The following NFASC variants were observed in gnomAD, a reference collection of about 807,000 sequenced individuals.
NFASC encodes the protein neurofascin homolog.
A neutral mutation model predicts 147.5 loss-of-function variants in NFASC; 43 were observed. That is an observed-to-expected ratio of 0.29 (90% CI 0.23 to 0.38). The LOEUF (loss-of-function observed/expected upper bound fraction) is 0.38. NFASC is among the 10% of genes least tolerant of loss of function. The probability of loss-of-function intolerance (pLI) is 1.00; values close to 1 mark genes in which losing one functional copy is unlikely to be tolerated. For synonymous variants in NFASC, 622 were observed against 665.5 expected (o/e 0.93, Z 1.01); for missense variants, 1,320 against 1,689.0 (o/e 0.78, Z 3.83).
At chr1:204,970,900 A>G (rs967164980) in intron 11 of NFASC, among the ~76,000 whole-genome samples, 153 bp downstream of exon 11, 1 of 152,240 alleles carries the variant, frequency 6.6e-6, no homozygotes, top group South Asian at 2.1e-4. Flanking sequence ...CTCTTCAGAC[A>G]TCTCAAGAGG....
chr1:204,856,158 C>T (rs11240296), intron 1 of NFASC, among the ~76,000 whole-genome samples: 29,366 of 151,808 alleles, frequency 0.19, 4,446 homozygotes, highest in East Asian at 0.52. Context: ...TCTTTGCCCT[C>T]GAGAGCTTGC....
At chr1:204,956,907 GA>G (rs35185826) in intron 7 of NFASC, among the ~76,000 whole-genome samples, 8 of 146,226 alleles carry the variant, frequency 5.5e-5, no homozygotes, top group Non-Finnish European at 9.1e-5. Flanking sequence ...TATAGCACTT[GA>G]AAAAAAAAAG....
chr1:204,950,627 A>C, intron 4 of NFASC, 53 bp downstream of exon 4: 1 of 1,564,754 alleles, frequency 6.4e-7, no homozygotes, highest in Non-Finnish European at 8.8e-7. Context: ...GGGAGGAATG[A>C]GGCATGAGGT....
At chr1:204,880,896 G>T (rs1402666925) in intron 1 of NFASC, among the ~76,000 whole-genome samples, 1 of 152,232 alleles carries the variant, frequency 6.6e-6, no homozygotes, top group Non-Finnish European at 1.5e-5. Flanking sequence ...ACTGAGACAG[G>T]AGACAGATGA....
At chr1:204,976,466 C>T (rs931409998) in intron 15 of NFASC, among the ~76,000 whole-genome samples, 4 of 152,228 alleles carry the variant, frequency 2.6e-5, no homozygotes, top group African/African-American at 9.6e-5. Flanking sequence ...CGCCCACTCT[C>T]TGTTCCCCTC....
chr1:204,840,052 A>G lies in NFASC; in HGVS notation c.-200+11270A>G, dbSNP rs772062169. Among the ~76,000 whole-genome samples, 13 of 152,288 alleles carry G rather than the reference A, an allele frequency of 8.5e-5. No individual in the cohort carries two copies. The South Asian group carries it at 1.2e-3, about 15-fold the overall frequency. On this transcript the variant is annotated intron_variant, in intron 1 of 29. Transcript: ENST00000339876. ...TGCAGGGAGGAGTCTGCCCTTCACC[A>G]TCCTCCACATAGTGCTTCTCAGTCC... is the stretch of plus-strand genomic sequence containing the variant.
chr1:204,894,069 T>C lies in NFASC; in HGVS notation c.-199-26563T>C, dbSNP rs537604314. On this transcript the variant is annotated intron_variant, in intron 1 of 29. Transcript: ENST00000339876. ...ACTTTGGAATCTTCAGCTTATCAAC[T>C]CTTTGTACCTGGATGTATCACCTCA... is the stretch of plus-strand genomic sequence containing the variant. 2.0e-5 allele frequency among the ~76,000 whole-genome samples: 3 copies of C among 152,372 alleles called. No homozygotes were observed. In the South Asian group the frequency reaches 6.2e-4, roughly 32 times the overall value.
chr1:204,937,891 G>A (rs1337104893), intron 2 of NFASC, among the ~76,000 whole-genome samples: 1 of 152,224 alleles, frequency 6.6e-6, no homozygotes, highest in Non-Finnish European at 1.5e-5. Context: ...GTCCATGCAT[G>A]TGTTCTCTAG....
chr1:204,918,061 AC>A (rs1305266396), intron 1 of NFASC, among the ~76,000 whole-genome samples: 1 of 152,172 alleles, frequency 6.6e-6, no homozygotes, highest in African/African-American at 2.4e-5. Context: ...CATTAATCTT[AC>A]TTTTGTGTCT....
In NFASC at chr1:204,877,022, ATATAT is replaced by A. The variant is rs1558548329; in HGVS notation, c.-199-43609_-199-43605del. 2.7e-4 allele frequency among the ~76,000 whole-genome samples: 28 copies of A among 103,518 alleles called. 2 individuals are homozygous for A. Among genetic ancestry groups the A allele is most frequent in the African/African-American group, 9.6e-4 (20 of 20,758 alleles). 67.9% of individuals were successfully genotyped at this position (103,518 alleles called of 152,430 possible). On this transcript the variant is annotated intron_variant, in intron 1 of 29. Coordinates refer to ENST00000339876, the MANE Select transcript of NFASC (RefSeq NM_001005388.3). ...TATATATATATATATATATATATAT[ATATAT>A]AATATATATTTATATATATATAATA...
chr1:204,957,912 G>C (rs2094500446), intron 8 of NFASC, 86 bp downstream of exon 8: 1 of 1,264,526 alleles, frequency 7.9e-7, no homozygotes, highest in African/African-American at 1.5e-5. Context: ...GAGTCTATAG[G>C]GGGAGACTTG....
intron 1 of NFASC, among the ~76,000 whole-genome samples, chr1:204,877,869 G>A (rs545238930): frequency 9.2e-5 from 14 of 152,220 alleles, no homozygotes; most frequent in South Asian, 2.1e-4. Context: ...ACCAGGACCC[G>A]GAGTGGAATG....
rs567509817 is a variant in NFASC at position 205,021,789 on chromosome 1, G to A, written c.*5250G>A. On this transcript the variant is annotated 3_prime_UTR_variant, in exon 30 of 30. Transcript: ENST00000339876. The stretch of plus-strand genomic sequence containing the variant: ...GAAAGACAAACAGGATTGTTTCTGA[G>A]ACCAAGATCAGTCTGTCTGTGATCA... The A allele has an allele frequency of 6.5e-6, 1 of 153,172 alleles. No individual in the cohort carries two copies. The highest frequency in any genetic ancestry group is 6.5e-5 in the Admixed American group (1 of 15,304). 9.5% of individuals were successfully genotyped at this position (153,172 alleles called of 1,614,324 possible). A position where few individuals can be genotyped will look rare whatever the true frequency, so the allele number is the denominator to read the frequency against.
chr1:205,016,022 C>G lies in NFASC; in HGVS notation c.3492-286C>G, dbSNP rs57364387. Among the ~76,000 whole-genome samples the G allele has an allele frequency of 0.15, 22,816 of 152,152 alleles. 2,143 individuals carry two copies. The highest frequency in any genetic ancestry group is 0.27 in the African/African-American group (11,318 of 41,480). On this transcript the variant is annotated intron_variant, in intron 29 of 29. Coordinates refer to ENST00000339876, the MANE Select transcript of NFASC (RefSeq NM_001005388.3). This position sits in a 1 kb window ranked among gnomAD's most constrained non-coding sequence, Gnocchi z 5.1. ...CCATCCTCTGTCCACTTCCACCACA[C>G]ACAGGGACCCAATCTCATGGAAAAG...
chr1:204,930,196 T>G (rs928978031), intron 2 of NFASC, among the ~76,000 whole-genome samples: 1 of 151,850 alleles, frequency 6.6e-6, no homozygotes, highest in Non-Finnish European at 1.5e-5. Context: ...GTCTGTAGAG[T>G]GGAGCAAATA....
intron 27 of NFASC, among the ~76,000 whole-genome samples, chr1:205,007,111 AG>A (rs2096132214): frequency 6.7e-6 from 1 of 149,944 alleles, no homozygotes. Context: ...TTAAGAGGGC[AG>A]CATGTGAGCT....
Position 204,954,266 on chromosome 1 carries a change from C to G in NFASC, c.294C>G (p.Thr98=). 4 of 1,614,204 alleles carry G rather than the reference C, an allele frequency of 2.5e-6. No homozygotes were observed. Among genetic ancestry groups the G allele is most frequent in the Non-Finnish European group, 3.4e-6 (4 of 1,180,044 alleles). The change falls in exon 6 of 30, where the codon ACC becomes ACG. Residue 98 remains threonine (T), a synonymous_variant. Coordinates refer to ENST00000339876, the MANE Select transcript of NFASC (RefSeq NM_001005388.3). This position sits in a 1 kb window ranked among gnomAD's most constrained non-coding sequence, Gnocchi z 5.7. ...TGTCCATGAGGAGGAGGTCTGGGAC[C>G]CTGGTGATTGACTTCCGCAGTGGCG... ...PRVSMRRRSG[T]LVIDFRSGGR...
At chr1:204,835,211 G>GTCT (rs1404434412) in intron 1 of NFASC, among the ~76,000 whole-genome samples, 1 of 140,618 alleles carries the variant, frequency 7.1e-6, no homozygotes, top group Non-Finnish European at 1.5e-5. Context: ...CTTGAGGTGG[G>GTCT]TCTTTTTTTT....
chr1:204,955,955 C>T (rs1463030549), intron 7 of NFASC, among the ~76,000 whole-genome samples: 1 of 152,192 alleles, frequency 6.6e-6, no homozygotes, highest in Admixed American at 6.5e-5. Context: ...ATCACTGTCT[C>T]TCTCTTCCCC....
Sources: gnomAD v4.1 joint callset for allele counts (sites outside exome capture counted in the v4.1 genomes callset) on GRCh38, gnomAD v4.1.1 for gene constraint, Gnocchi (gnomAD v3.1) non-coding constraint, MANE v1.5 for transcripts, NCBI Gene and HGNC (gene_info 2026-07-23, HGNC 2026-07-21) for gene names.